The following DTWD2 variants were observed in gnomAD, a reference collection of about 807,000 sequenced individuals.
The protein encoded by DTWD2 is DTW motif tRNA-uridine aminocarboxypropyltransferase 2, also known as tRNA-uridine aminocarboxypropyltransferase 2.
Under a neutral mutation model 31.8 loss-of-function variants are expected in DTWD2, and 39 were observed. That is an observed-to-expected ratio of 1.22 (90% CI 0.95 to 1.60). The LOEUF (loss-of-function observed/expected upper bound fraction) is 1.60, where lower values mean the gene tolerates loss of function less well. Ranked by LOEUF, DTWD2 falls within the 40% of genes most tolerant of loss-of-function variation. The pLI, the probability that DTWD2 is intolerant of heterozygous loss-of-function variation, is 0.00. For synonymous variants in DTWD2, 180 were observed against 142.8 expected (o/e 1.26, Z -1.86); for missense variants, 515 against 381.5 (o/e 1.35, Z -2.92).
rs779195874 is a variant in DTWD2, at chr5:118,836,765, T to C, written c.*4152A>G. Reference sequence around the variant, plus strand: ...CCCTTCCACTAGGTGAAGACACAGCTAGAATGCACCATCTATGAACCAGTG... The same window carrying C: ...CCCTTCCACTAGGTGAAGACACAGCCAGAATGCACCATCTATGAACCAGTG... On this transcript the variant is annotated 3_prime_UTR_variant, in exon 6 of 6. Coordinates refer to ENST00000510708, the MANE Select transcript of DTWD2 (RefSeq NM_173666.4). 6.6e-6 allele frequency among the ~76,000 whole-genome samples: 1 copy of C among 152,180 alleles called. No homozygotes were observed. The highest frequency in any genetic ancestry group is 1.9e-4 in the East Asian group (1 of 5,194).
At chr5:118,857,744 C>A (rs938942202) in intron 4 of DTWD2, among the ~76,000 whole-genome samples, 2 of 152,178 alleles carry the variant, frequency 1.3e-5, no homozygotes, top group African/African-American at 4.8e-5. Flanking sequence ...ATACACAGTG[C>A]TGGGCATGTG....
intron 4 of DTWD2, among the ~76,000 whole-genome samples, chr5:118,925,835 A>C: frequency 6.7e-6 from 1 of 150,300 alleles, no homozygotes; most frequent in Middle Eastern, 3.2e-3. Context: ...ACAAAGCAAG[A>C]CTCCATCTCA....
chr5:118,902,996 A>C (rs1753250178), intron 4 of DTWD2, among the ~76,000 whole-genome samples: 1 of 152,102 alleles, frequency 6.6e-6, no homozygotes, highest in Non-Finnish European at 1.5e-5. Flanking sequence ...ATCATAACTA[A>C]AACAGATTTT....
At chr5:118,881,677 G>A (rs1292029384) in intron 4 of DTWD2, among the ~76,000 whole-genome samples, 2 of 152,158 alleles carry the variant, frequency 1.3e-5, no homozygotes, top group Non-Finnish European at 2.9e-5. Context: ...GGTAGAAAGT[G>A]AAGGGGAAGC....
chr5:118,864,093 C>T lies in DTWD2; in HGVS notation c.598-15875G>A, dbSNP rs1475960132. 4.7e-5 allele frequency among the ~76,000 whole-genome samples: 6 copies of T among 126,720 alleles called. 2 individuals are homozygous for T. The highest frequency in any genetic ancestry group is 1.2e-4 in the African/African-American group (3 of 24,234). 83.1% of individuals were successfully genotyped at this position (126,720 alleles called of 152,430 possible). Reference sequence around the variant, plus strand: ...GCAAAACCCACATGTATGTTTATTGCGGCACTATTCACAATAGCAAAGACT... The same window carrying T: ...GCAAAACCCACATGTATGTTTATTGTGGCACTATTCACAATAGCAAAGACT... On this transcript the variant is annotated intron_variant, in intron 4 of 5. Coordinates refer to ENST00000510708, the MANE Select transcript of DTWD2 (RefSeq NM_173666.4).
At chr5:118,951,017 C>T (rs1045994505) in intron 1 of DTWD2, among the ~76,000 whole-genome samples, 2 of 152,086 alleles carry the variant, frequency 1.3e-5, no homozygotes, top group Non-Finnish European at 2.9e-5. Flanking sequence ...TGTTGCCAAA[C>T]AAGCCACGGA....
chr5:118,945,507 G>A (rs1379734957), intron 1 of DTWD2, among the ~76,000 whole-genome samples: 1 of 152,128 alleles, frequency 6.6e-6, no homozygotes, highest in Non-Finnish European at 1.5e-5. Flanking sequence ...GCTCATGCCT[G>A]TAATCCCAGC....
At chr5:118,950,533 A>G (rs1754440876) in intron 1 of DTWD2, among the ~76,000 whole-genome samples, 1 of 152,170 alleles carries the variant, frequency 6.6e-6, no homozygotes, top group Non-Finnish European at 1.5e-5. Flanking sequence ...CCAGAATTCC[A>G]GGGGCTCTGG....
At chr5:118,965,259 G>C (rs1465748964) in intron 1 of DTWD2, among the ~76,000 whole-genome samples, 2 of 151,638 alleles carry the variant, frequency 1.3e-5, no homozygotes, top group African/African-American at 4.9e-5. Context: ...GCCCCGTCCG[G>C]GAGGTGGGGG....
intron 4 of DTWD2, among the ~76,000 whole-genome samples, chr5:118,904,174 G>A (rs73239027): frequency 0.024 from 3,630 of 152,118 alleles, 156 homozygotes; most frequent in African/African-American, 0.083. Flanking sequence ...CAGACTGTTA[G>A]TGGACACTGG....
chr5:118,920,551 C>T (rs1037087622), intron 4 of DTWD2, among the ~76,000 whole-genome samples: 1 of 152,050 alleles, frequency 6.6e-6, no homozygotes, highest in African/African-American at 2.4e-5. Flanking sequence ...GCACATCTTC[C>T]TAATCCTTTT....
chr5:118,851,212 C>T (rs1176457187), intron 4 of DTWD2, among the ~76,000 whole-genome samples: 1 of 131,454 alleles, frequency 7.6e-6, no homozygotes, highest in Non-Finnish European at 1.6e-5. Flanking sequence ...GAGTGAGACC[C>T]TATCTCAAAA....
intron 1 of DTWD2, among the ~76,000 whole-genome samples, chr5:118,970,710 G>C (rs1754965847): frequency 6.6e-6 from 1 of 151,992 alleles, no homozygotes; most frequent in African/African-American, 2.4e-5. Flanking sequence ...AGGTCAAAAT[G>C]AAAGAAAAAA....
At chr5:118,894,905 A>C (rs1031767327) in intron 4 of DTWD2, among the ~76,000 whole-genome samples, 4 of 152,180 alleles carry the variant, frequency 2.6e-5, no homozygotes, top group African/African-American at 9.7e-5. Flanking sequence ...CTATTATCAC[A>C]CTGAATGGGG....
intron 4 of DTWD2, among the ~76,000 whole-genome samples, chr5:118,905,693 A>T (rs1753311690): frequency 6.6e-6 from 1 of 152,154 alleles, no homozygotes; most frequent in African/African-American, 2.4e-5. Flanking sequence ...CTATTTATGA[A>T]GATAAAAATA....
At chr5:118,909,515 C>A (rs1753411938) in intron 4 of DTWD2, among the ~76,000 whole-genome samples, 1 of 152,200 alleles carries the variant, frequency 6.6e-6, no homozygotes, top group Admixed American at 6.5e-5. Context: ...GTAAGCATCA[C>A]CATGGGCAAC....
intron 1 of DTWD2, among the ~76,000 whole-genome samples, chr5:118,952,016 G>A (rs1399491006): frequency 1.3e-5 from 2 of 152,200 alleles, no homozygotes; most frequent in Admixed American, 1.3e-4. Flanking sequence ...GAAAGGAACT[G>A]AAATTAAGGG....
At chr5:118,979,233 G>T (rs1194177540) in intron 1 of DTWD2, among the ~76,000 whole-genome samples, 1 of 152,134 alleles carries the variant, frequency 6.6e-6, no homozygotes, top group African/African-American at 2.4e-5. Flanking sequence ...GAACCCAGGA[G>T]GCAGAGCTTG....
intron 4 of DTWD2, among the ~76,000 whole-genome samples, chr5:118,864,481 T>G (rs754660390): frequency 3.4e-5 from 5 of 149,224 alleles, no homozygotes; most frequent in Non-Finnish European, 5.9e-5. Context: ...TGTATACATA[T>G]GTAACTAACC....
Sources: gnomAD v4.1 joint callset for allele counts (sites outside exome capture counted in the v4.1 genomes callset) on GRCh38, gnomAD v4.1.1 for gene constraint, MANE v1.5 for transcripts, NCBI Gene and HGNC (gene_info 2026-07-23, HGNC 2026-07-21) for gene names.